Variants in KCNA2 observed in about 807,000 individuals in gnomAD.
KCNA2 encodes the protein potassium voltage-gated channel subfamily A member 2.
Under a neutral mutation model 33.4 loss-of-function variants are expected in KCNA2, and 11 were observed. The observed-to-expected ratio is 0.33, with a 90% confidence interval of 0.21 to 0.55. The LOEUF is 0.55. KCNA2 is among the 20% of genes least tolerant of loss of function. The probability of loss-of-function intolerance (pLI) is 0.93; values close to 1 mark genes in which losing one functional copy is unlikely to be tolerated. For synonymous variants in KCNA2, 222 were observed against 231.3 expected, an observed-to-expected ratio of 0.96 and a Z score of 0.37; for missense variants, 291 against 621.6, an observed-to-expected ratio of 0.47 and a Z score of 5.66.
intron 1 of KCNA2, among the ~76,000 whole-genome samples, chr1:110,612,254 G>A (rs548068905): frequency 2.6e-5 from 4 of 152,132 alleles, no homozygotes; most frequent in Non-Finnish European, 5.9e-5. Context: ...TGATCTCATC[G>A]TTGTGCAAAC....
rs1650145476 is a variant in KCNA2, at chr1:110,618,521, T to G, written c.-495-12799A>C. Among the ~76,000 whole-genome samples, 5 of 151,858 alleles carry G rather than the reference T, an allele frequency of 3.3e-5. No homozygotes were observed. The South Asian group carries it at 1.0e-3, about 32-fold the overall frequency. On this transcript the variant is annotated intron_variant, in intron 1 of 4. Transcript: ENST00000369770. ...TGTGGGCTTCCTTTCCTTTCGGAGG[T>G]AGGATGAGGCAGCTTGGGTGGCCCT...
intron 1 of KCNA2, among the ~76,000 whole-genome samples, chr1:110,612,268 G>A (rs994280408): frequency 3.3e-5 from 5 of 152,224 alleles, no homozygotes; most frequent in Non-Finnish European, 5.9e-5. Context: ...TGCAAACATC[G>A]TAGAGTGTAC....
At position 110,603,097 on chromosome 1, in the gene KCNA2, G is replaced by A; in HGVS notation, c.*186C>T. Reference sequence around the variant, plus strand: ...GTTCATAAGCCGGTGATGAGGATGTGCATGAAAGCCATGATAGATATTCTG... The same window carrying A: ...GTTCATAAGCCGGTGATGAGGATGTACATGAAAGCCATGATAGATATTCTG... On this transcript the variant is annotated 3_prime_UTR_variant, in exon 3 of 3. Transcript: ENST00000316361. This position sits in a 1 kb window ranked among gnomAD's most constrained non-coding sequence, Gnocchi z 5.7. 4 of 1,418,814 alleles carry A rather than the reference G, an allele frequency of 2.8e-6. No homozygotes were observed. The highest frequency in any genetic ancestry group is 2.7e-6 in the Non-Finnish European group (3 of 1,093,064). 87.9% of individuals were successfully genotyped at this position (1,418,814 alleles called of 1,614,324 possible).
chr1:110,600,043 G>C lies in KCNA2; in HGVS notation c.*3240C>G. The C allele has an allele frequency of 1.0e-6, 1 of 984,774 alleles. No individual in the cohort carries two copies. Among genetic ancestry groups the C allele is most frequent in the Non-Finnish European group, 1.2e-6 (1 of 829,888 alleles). 61.0% of individuals were successfully genotyped at this position (984,774 alleles called of 1,614,324 possible). A position where few individuals can be genotyped will look rare whatever the true frequency, so the allele number is the denominator to read the frequency against. On this transcript the variant is annotated 3_prime_UTR_variant, in exon 3 of 3. Transcript: ENST00000316361. ...AGTTACTTCTCAGGAGTGAAATCTG[G>C]TAGTGAGAGAAAAGAATAGAGAAAG...
chr1:110,599,022 G>A lies in KCNA2; in HGVS notation c.*4261C>T, dbSNP rs926099253. The A allele has an allele frequency of 6.1e-6, 6 of 985,226 alleles. No individual in the cohort carries two copies. The highest frequency in any genetic ancestry group is 1.7e-5 in the African/African-American group (1 of 57,200). The allele number at this position is 985,226 out of a possible 1,614,324, so 61.0% of individuals were successfully genotyped here. A position where few individuals can be genotyped will look rare whatever the true frequency, so the allele number is the denominator to read the frequency against. ...ATGGTACCTTGACCTGGAAACACAA[G>A]TTTCCAGCAAAGCACACGTTTTGGA... On this transcript the variant is annotated 3_prime_UTR_variant, in exon 3 of 3. Transcript: ENST00000316361.
chr1:110,629,232 A>G (rs941793164), intron 1 of KCNA2, among the ~76,000 whole-genome samples: 3 of 152,142 alleles, frequency 2.0e-5, no homozygotes, highest in African/African-American at 7.2e-5. Context: ...CAAATCACCA[A>G]ATGATCCCCA....
chr1:110,594,309 A>ATG lies in KCNA2; in HGVS notation c.*8973_*8974insCA. On this transcript the variant is annotated 3_prime_UTR_variant, in exon 3 of 3. Transcript: ENST00000316361. ...TCTCTCTCTCTATATATATATATACATATATATATATATGTGTGTGTATAT... is the reference window on the plus strand; with the variant it reads ...TCTCTCTCTCTATATATATATATACATGTATATATATATATGTGTGTGTATAT... The ATG allele has an allele frequency of 1.3e-6, 1 of 792,528 alleles. No individual in the cohort carries two copies. The highest frequency in any genetic ancestry group is 1.5e-6 in the Non-Finnish European group (1 of 675,080). 49.1% of individuals were successfully genotyped at this position (792,528 alleles called of 1,614,324 possible).
chr1:110,607,312 C>G (rs1649694509), upstream of KCNA2: 1 of 151,348 alleles, frequency 6.6e-6, no homozygotes, highest in African/African-American at 2.4e-5. Flanking sequence ...GGCAGAACCC[C>G]GGCAGCGGGC....
intron 1 of KCNA2, among the ~76,000 whole-genome samples, chr1:110,612,412 A>G (rs1649905146): frequency 1.3e-5 from 2 of 152,196 alleles, no homozygotes; most frequent in South Asian, 4.1e-4. Context: ...TGGTAACAAC[A>G]TTCACCCAGT....
chr1:110,601,231 T>C lies in KCNA2; in HGVS notation c.*2052A>G. On this transcript the variant is annotated 3_prime_UTR_variant, in exon 3 of 3. Transcript: ENST00000316361. ...TGGAGATCAAAATGATGCCTTTGGA[T>C]CATCTAGGGACTCCATCACTTAGTC... 7 of 985,356 alleles carry C rather than the reference T, an allele frequency of 7.1e-6. No homozygotes were observed. Among genetic ancestry groups the C allele is most frequent in the Non-Finnish European group, 8.4e-6 (7 of 829,904 alleles). 61.0% of individuals were successfully genotyped at this position (985,356 alleles called of 1,614,324 possible). A position where few individuals can be genotyped will look rare whatever the true frequency, so the allele number is the denominator to read the frequency against.
In KCNA2 at chr1:110,597,768, A is replaced by G. The variant is rs1649160140; in HGVS notation, c.*5515T>C. 1.0e-6 allele frequency: 1 copy of G among 985,142 alleles called. No individual in the cohort carries two copies. The highest frequency in any genetic ancestry group is 1.2e-6 in the Non-Finnish European group (1 of 829,744). The allele number at this position is 985,142 out of a possible 1,614,324, so 61.0% of individuals were successfully genotyped here. ...CTGAGAGCAAGATTTTGAAAGAGCT[A>G]TTGCTAAAGAAAACAGTCACTATTT... is the stretch of plus-strand genomic sequence containing the variant. On this transcript the variant is annotated 3_prime_UTR_variant, in exon 3 of 3. Coordinates refer to ENST00000316361, the MANE Select transcript of KCNA2 (RefSeq NM_004974.4).
In KCNA2 at chr1:110,604,429, C is replaced by A; in HGVS notation, c.354G>T (p.Leu118=). ...IFSEEIRFYE[L]GEEAMEMFRE... is the part of the protein sequence containing the mutation. ...GAAACATCTCCATCGCTTCTTCTCCCAGCTCATAAAACCGAATTTCTTCAG... is the reference window on the plus strand; with the variant it reads ...GAAACATCTCCATCGCTTCTTCTCCAAGCTCATAAAACCGAATTTCTTCAG... The change falls in exon 3 of 3, where the codon CTG becomes CTT. Residue 118 remains leucine, a synonymous_variant. Transcript: ENST00000316361. The surrounding 1 kb of genome is among the most constrained non-coding windows in gnomAD (Gnocchi z 7.6). 6.2e-7 allele frequency: 1 copy of A among 1,614,158 alleles called. No homozygotes were observed.
In KCNA2 at chr1:110,604,588, T is replaced by C; in HGVS notation, c.195A>G (p.Arg65=). Residue 65 remains arginine (R), a synonymous_variant, in exon 3 of 3, where the codon CGA becomes CGG. Transcript: ENST00000316361. This position sits in a 1 kb window ranked among gnomAD's most constrained non-coding sequence, Gnocchi z 7.6. ...PETLLGDPKK[R]MRYFDPLRNE... ...TTCGGAGGGGGTCAAAGTACCTCAT[T>C]CGTTTCTTTGGGTCCCCTAAGAGGG... is the stretch of plus-strand genomic sequence containing the variant. The C allele has an allele frequency of 6.2e-7, 1 of 1,614,198 alleles. No individual in the cohort carries two copies. Among genetic ancestry groups the C allele is most frequent in the Non-Finnish European group, 8.5e-7 (1 of 1,180,042 alleles).
chr1:110,601,866 C>T lies in KCNA2; in HGVS notation c.*1417G>A, dbSNP rs914726826. 16 of 1,400,758 alleles carry T rather than the reference C, an allele frequency of 1.1e-5. No individual in the cohort carries two copies. The African/African-American group carries it at 1.5e-4, about 13-fold the overall frequency. The allele number at this position is 1,400,758 out of a possible 1,614,324, so 86.8% of individuals were successfully genotyped here. A position where few individuals can be genotyped will look rare whatever the true frequency, so the allele number is the denominator to read the frequency against. On this transcript the variant is annotated 3_prime_UTR_variant, in exon 3 of 3. Coordinates refer to ENST00000316361, the MANE Select transcript of KCNA2 (RefSeq NM_004974.4). ...CACATATGTATGTATATATATACAC[C>T]CTAGTGCACATAGTCAAACACATGC...
Position 110,602,449 on chromosome 1 carries a change from T to C in KCNA2, c.*834A>G. The stretch of plus-strand genomic sequence containing the variant: ...CTGGTAAATTTCACTGCAGTGTCAG[T>C]GTAGCTGGGCCACATCAGTGGGAAA... On this transcript the variant is annotated 3_prime_UTR_variant, in exon 3 of 3. Coordinates refer to ENST00000316361, the MANE Select transcript of KCNA2 (RefSeq NM_004974.4). 1.6e-6 allele frequency: 2 copies of C among 1,285,916 alleles called. No homozygotes were observed. Among genetic ancestry groups the C allele is most frequent in the African/African-American group, 1.5e-5 (1 of 66,872 alleles). The allele number at this position is 1,285,916 out of a possible 1,614,324, so 79.7% of individuals were successfully genotyped here.
Position 110,602,563 on chromosome 1 carries a change from C to T in KCNA2, c.*720G>A. On this transcript the variant is annotated 3_prime_UTR_variant, in exon 3 of 3. Coordinates refer to ENST00000316361, the MANE Select transcript of KCNA2 (RefSeq NM_004974.4). Reference sequence around the variant, plus strand: ...ATGGTGAAATCAGAGGCTTAGAGGTCTGTTGGTTTGTTAGCTTCTCCCCAT... The same window carrying T: ...ATGGTGAAATCAGAGGCTTAGAGGTTTGTTGGTTTGTTAGCTTCTCCCCAT... The T allele has an allele frequency of 1.9e-6, 2 of 1,038,100 alleles. No individual in the cohort carries two copies. Among genetic ancestry groups the T allele is most frequent in the Non-Finnish European group, 2.3e-6 (2 of 863,644 alleles). 64.3% of individuals were successfully genotyped at this position (1,038,100 alleles called of 1,614,324 possible). A position where few individuals can be genotyped will look rare whatever the true frequency, so the allele number is the denominator to read the frequency against.
At position 110,603,527 on chromosome 1, in the gene KCNA2, C is replaced by T. The variant is rs1296710118; in HGVS notation, c.1256G>A (p.Arg419Gln). 8.7e-6 allele frequency: 14 copies of T among 1,613,912 alleles called. No homozygotes were observed. The highest frequency in any genetic ancestry group is 1.1e-5 in the Non-Finnish European group (13 of 1,180,034). ...GGCCTGTTCCTCTCCCTCTGTCTCC[C>T]GGTGGTAGAAGTAGTTGAAATTGGA... Reference protein sequence around the residue: ...IVSNFNYFYHRETEGEEQAQY... With the variant: ...IVSNFNYFYHQETEGEEQAQY... Residue 419 changes from arginine to glutamine, a missense_variant, in exon 3 of 3, where the codon CGG (arginine) becomes CAG (glutamine). Physicochemically the swap from Arg to Gln is conservative, Grantham distance 43. Transcript: ENST00000316361. The surrounding 1 kb of genome is among the most constrained non-coding windows in gnomAD (Gnocchi z 5.7).
chr1:110,630,009 C>CTTTTTTTTTTTTTTTTTTTTTTTTTTTTT (rs372364243), intron 1 of KCNA2, among the ~76,000 whole-genome samples: 1 of 115,220 alleles, frequency 8.7e-6, no homozygotes, highest in Non-Finnish European at 1.7e-5. Context: ...GTGCTCTGTA[C>CTTTTTTTTTTTTTTTTTTTTTTTTTTTTT]TTTTTTTTTT....
intron 1 of KCNA2, among the ~76,000 whole-genome samples, chr1:110,629,248 C>T (rs978090031): frequency 6.6e-6 from 1 of 152,074 alleles, no homozygotes; most frequent in Admixed American, 6.5e-5. Context: ...CCCCAATCAG[C>T]GAGTGATTTT....
Sources: allele counts gnomAD v4.1 joint callset (sites outside exome capture counted in the v4.1 genomes callset), GRCh38; gene constraint gnomAD v4.1.1; non-coding constraint Gnocchi (gnomAD v3.1); transcripts MANE v1.5; gene names NCBI Gene and HGNC (gene_info 2026-07-23, HGNC 2026-07-21).